The following KCND2 variants were observed in gnomAD, a reference collection of about 807,000 sequenced individuals.
KCND2 encodes the protein A-type voltage-gated potassium channel KCND2.
Under a neutral mutation model 54.4 loss-of-function variants are expected in KCND2, and 16 were observed. The ratio of observed to expected loss-of-function variants is 0.29; its 90% CI spans 0.20 to 0.45. The LOEUF is 0.45. KCND2 is among the 20% of genes least tolerant of loss of function. KCND2 has a pLI of 1.00. For missense variants in KCND2, 486 were observed against 824.2 expected, an observed-to-expected ratio of 0.59 and a Z score of 5.02; for synonymous variants, 317 against 310.7, an observed-to-expected ratio of 1.02 and a Z score of -0.21.
chr7:120,443,352 A>AAATAAT (rs139962538), intron 1 of KCND2, among the ~76,000 whole-genome samples: 1,669 of 146,582 alleles, frequency 0.011, 12 homozygotes, highest in African/African-American at 0.021. Context: ...TAACAATAAT[A>AAATAAT]AATAATAATA....
chr7:120,737,398 A>G lies in KCND2; in HGVS notation c.1279-4136A>G, dbSNP rs185583033. On this transcript the variant is annotated intron_variant, in intron 2 of 5. Coordinates refer to ENST00000331113, the MANE Select transcript of KCND2 (RefSeq NM_012281.3). ...ATTCCACCTAAGAATTTGGTCTTGG[A>G]TGCTCTCCTATATCCTCTTTCAGTT... Among the ~76,000 whole-genome samples, 931 of 152,130 alleles carry G rather than the reference A, an allele frequency of 6.1e-3. 8 individuals carry two copies. The highest frequency in any genetic ancestry group is 8.9e-3 in the Non-Finnish European group (603 of 67,972).
At chr7:120,278,705 A>AT (rs1257544274) in intron 1 of KCND2, among the ~76,000 whole-genome samples, 1 of 151,822 alleles carries the variant, frequency 6.6e-6, no homozygotes. Flanking sequence ...GAAATATCAA[A>AT]TATATCAGTA....
At chr7:120,520,020 C>T (rs1052053695) in intron 1 of KCND2, among the ~76,000 whole-genome samples, 28 of 151,954 alleles carry the variant, frequency 1.8e-4, no homozygotes, top group African/African-American at 5.8e-4. Context: ...AATATTTTTT[C>T]AAAAGTAATG....
intron 1 of KCND2, among the ~76,000 whole-genome samples, chr7:120,526,415 G>A (rs1791774872): frequency 6.6e-6 from 1 of 151,994 alleles, no homozygotes; most frequent in African/African-American, 2.4e-5. Flanking sequence ...AGTTAAAAAA[G>A]TAAGGATATA....
Position 120,333,191 on chromosome 7 carries a change from C to G in KCND2, c.1115+57444C>G, listed in dbSNP as rs117571082. On this transcript the variant is annotated intron_variant, in intron 1 of 5. Coordinates refer to ENST00000331113, the MANE Select transcript of KCND2 (RefSeq NM_012281.3). ...TAAGAAAATTGAGGCTTAGTAGGAA[C>G]GAGTTATTTATAAAGGGGGTTCAAG... 7.8e-3 allele frequency among the ~76,000 whole-genome samples: 1,179 copies of G among 152,076 alleles called. 12 individuals are homozygous for G. Among genetic ancestry groups the G allele is most frequent in the Non-Finnish European group, 0.01 (700 of 67,906 alleles).
intron 1 of KCND2, among the ~76,000 whole-genome samples, chr7:120,489,381 TA>T (rs1326703625): frequency 6.7e-6 from 1 of 149,342 alleles, no homozygotes; most frequent in Admixed American, 6.7e-5. Flanking sequence ...ATAGAAAATA[TA>T]TTTTTTGATT....
intron 1 of KCND2, among the ~76,000 whole-genome samples, chr7:120,310,386 A>T (rs1057062103): frequency 1.3e-5 from 2 of 152,114 alleles, no homozygotes; most frequent in Non-Finnish European, 2.9e-5. Context: ...GAACAATTTA[A>T]CTTGATTTAT....
chr7:120,474,885 A>G (rs938754442), intron 1 of KCND2, among the ~76,000 whole-genome samples: 2 of 149,976 alleles, frequency 1.3e-5, no homozygotes, highest in Admixed American at 6.7e-5. Flanking sequence ...AAAGTTTTCA[A>G]TTTTTTTTTT....
chr7:120,542,168 C>T (rs147278467), intron 1 of KCND2, among the ~76,000 whole-genome samples: 65 of 152,230 alleles, frequency 4.3e-4, no homozygotes, highest in African/African-American at 1.3e-3. Context: ...AAATTAATGA[C>T]ACTGTCACTG....
Position 120,273,621 on chromosome 7 carries a change from GAA to G in KCND2, c.-1011_-1010del, listed in dbSNP as rs1390777381. The G allele has an allele frequency of 6.6e-6, 1 of 152,648 alleles. No homozygotes were observed. The highest frequency in any genetic ancestry group is 1.5e-5 in the Non-Finnish European group (1 of 68,224). The allele number at this position is 152,648 out of a possible 1,614,324, so 9.5% of individuals were successfully genotyped here. A position where few individuals can be genotyped will look rare whatever the true frequency, so the allele number is the denominator to read the frequency against. Reference sequence around the variant, plus strand: ...GCACGGAGGGATGGGGGAAGGGAAAGAAGAGCTCGCTTGAGCTTTATTTATGC... The same window carrying G: ...GCACGGAGGGATGGGGGAAGGGAAAGGAGCTCGCTTGAGCTTTATTTATGC... On this transcript the variant is annotated 5_prime_UTR_variant, in exon 1 of 6. An upstream open reading frame in the 5' UTR loses its in-frame stop. Transcript: ENST00000331113.
chr7:120,442,545 A>G (rs532314616), intron 1 of KCND2, among the ~76,000 whole-genome samples: 5 of 152,272 alleles, frequency 3.3e-5, no homozygotes, highest in African/African-American at 1.2e-4. Flanking sequence ...AAAAAGGAAA[A>G]TAACAAATTA....
chr7:120,727,365 A>C (rs1404426608), intron 1 of KCND2, among the ~76,000 whole-genome samples: 1 of 152,210 alleles, frequency 6.6e-6, no homozygotes, highest in African/African-American at 2.4e-5. Context: ...AAAATTATGC[A>C]TATTTTCAAC....
intron 1 of KCND2, among the ~76,000 whole-genome samples, chr7:120,473,807 T>A (rs1324389128): frequency 6.6e-6 from 1 of 152,220 alleles, no homozygotes; most frequent in Non-Finnish European, 1.5e-5. Context: ...TGTTAGATAT[T>A]CTTCCCTAAC....
intron 1 of KCND2, among the ~76,000 whole-genome samples, chr7:120,354,674 C>T (rs950276992): frequency 6.6e-6 from 1 of 152,086 alleles, no homozygotes; most frequent in African/African-American, 2.4e-5. Flanking sequence ...TCACTTGAGG[C>T]CAGAAGTTCA....
chr7:120,402,528 A>C (rs1244492239), intron 1 of KCND2, among the ~76,000 whole-genome samples: 1 of 152,174 alleles, frequency 6.6e-6, no homozygotes, highest in Admixed American at 6.5e-5. Flanking sequence ...AGTCAGTTAC[A>C]CTATGTGGAT....
intron 1 of KCND2, among the ~76,000 whole-genome samples, chr7:120,433,751 T>C (rs1406455556): frequency 6.6e-6 from 1 of 152,220 alleles, no homozygotes; most frequent in Non-Finnish European, 1.5e-5. Context: ...ATTAAAATCA[T>C]GAACAACTTG....
intron 1 of KCND2, among the ~76,000 whole-genome samples, chr7:120,332,194 C>G (rs1800079451): frequency 1.3e-5 from 2 of 152,020 alleles, no homozygotes; most frequent in South Asian, 4.1e-4. Context: ...TGAAACAGCT[C>G]TTGAATTCTT....
intron 2 of KCND2, among the ~76,000 whole-genome samples, chr7:120,736,355 C>A (rs1265135892): frequency 6.6e-6 from 1 of 151,588 alleles, no homozygotes; most frequent in Non-Finnish European, 1.5e-5. Context: ...TAAATACTGA[C>A]ATGCTGGTGG....
At chr7:120,377,684 G>A (rs1056419689) in intron 1 of KCND2, among the ~76,000 whole-genome samples, 3 of 151,850 alleles carry the variant, frequency 2.0e-5, no homozygotes, top group African/African-American at 7.3e-5. Context: ...TGTAAGAATG[G>A]GAGTCAGTGT....
Sources: allele counts gnomAD v4.1 joint callset (sites outside exome capture counted in the v4.1 genomes callset), GRCh38; gene constraint gnomAD v4.1.1; transcripts MANE v1.5; gene names NCBI Gene and HGNC (gene_info 2026-07-23, HGNC 2026-07-21).